KIF6: variants seen among roughly 807,000 people sequenced by gnomAD.
The protein encoded by KIF6 is kinesin-like protein KIF6.
In KIF6, 106 loss-of-function variants were observed where a neutral mutation model predicts 112.7. The observed-to-expected ratio is 0.94, with a 90% CI of 0.80 to 1.11. The LOEUF (loss-of-function observed/expected upper bound fraction) is 1.11. Among genes scored for constraint, KIF6 ranks in the 50% least tolerant of loss-of-function variants. The pLI, the probability that KIF6 is intolerant of heterozygous loss-of-function variation, is 0.00. For synonymous variants in KIF6, 339 were observed against 339.9 expected (o/e 1.00, Z 0.03); for missense variants, 929 against 964.0 (o/e 0.96, Z 0.48).
chr6:39,443,114 A>AAATAATAAT lies in KIF6; in HGVS notation c.1646-11962_1646-11954dup, dbSNP rs370011414. Among the ~76,000 whole-genome samples, 762 of 131,550 alleles carry AAATAATAAT rather than the reference A, an allele frequency of 5.8e-3. 5 individuals carry two copies. The highest frequency in any genetic ancestry group is 0.012 in the East Asian group (55 of 4,410). 86.3% of individuals were successfully genotyped at this position (131,550 alleles called of 152,430 possible). On this transcript the variant is annotated intron_variant, in intron 13 of 22. Coordinates refer to ENST00000287152, the MANE Select transcript of KIF6 (RefSeq NM_145027.6). ...GGGCGACAGAGTGAGACTGCATCTC[A>AAATAATAAT]AATAATAATAATAATAATAATAATA...
At chr6:39,616,556 A>G (rs990887536) in intron 5 of KIF6, among the ~76,000 whole-genome samples, 1 of 152,192 alleles carries the variant, frequency 6.6e-6, no homozygotes, top group Non-Finnish European at 1.5e-5. Context: ...TCTTTGAAAC[A>G]CAATCTTCCC....
chr6:39,689,732 G>C (rs1011667724), intron 3 of KIF6, among the ~76,000 whole-genome samples: 7 of 152,000 alleles, frequency 4.6e-5, no homozygotes, highest in Non-Finnish European at 8.8e-5. Flanking sequence ...AGCCTCCCAA[G>C]TAACTGGACC....
chr6:39,480,145 G>C (rs934783230), intron 13 of KIF6, among the ~76,000 whole-genome samples: 7 of 152,132 alleles, frequency 4.6e-5, no homozygotes, highest in African/African-American at 1.7e-4. Context: ...CAGAGGGAGT[G>C]CTTTCAACTT....
At chr6:39,645,488 G>C (rs1448401105) in intron 3 of KIF6, among the ~76,000 whole-genome samples, 1 of 152,182 alleles carries the variant, frequency 6.6e-6, no homozygotes, top group Non-Finnish European at 1.5e-5. Context: ...ATACAGCCTT[G>C]CATTCCAGGG....
Position 39,343,807 on chromosome 6 carries a change from T to C in KIF6, c.2330A>G (p.Lys777Arg). The C allele has an allele frequency of 6.3e-7, 1 of 1,597,978 alleles. No homozygotes were observed. The highest frequency in any genetic ancestry group is 8.5e-7 in the Non-Finnish European group (1 of 1,172,100). Reference sequence around the variant, plus strand: ...GAGAGGGATGGACGACACTGGCCTCTTGGGGATGCTGGAGGCAACCACGTG... The same window carrying C: ...GAGAGGGATGGACGACACTGGCCTCCTGGGGATGCTGGAGGCAACCACGTG... ...TSTPLEDSIP[K>R]RPVSSIPLTG... The change falls in exon 22 of 23, where the codon AAG becomes AGG. Residue 777 changes from lysine (K) to arginine (R), a missense_variant. Around this residue, in one of 2 missense-constraint regions of KIF6, gnomAD observed 241 missense variants for 301.4 expected, o/e 0.80. Coordinates refer to ENST00000287152, the MANE Select transcript of KIF6 (RefSeq NM_145027.6). This position sits in a 1 kb window ranked among gnomAD's most constrained non-coding sequence, Gnocchi z 4.1.
intron 3 of KIF6, among the ~76,000 whole-genome samples, chr6:39,688,882 A>G (rs1466214930): frequency 6.6e-6 from 1 of 152,252 alleles, no homozygotes; most frequent in East Asian, 1.9e-4. Context: ...TCTTAGCTCA[A>G]CACTTAGAAA....
At chr6:39,442,065 C>T (rs76868598) in intron 13 of KIF6, among the ~76,000 whole-genome samples, 10,533 of 152,220 alleles carry the variant, frequency 0.069, 1,191 homozygotes, top group African/African-American at 0.23. Flanking sequence ...TTCCTGACTC[C>T]TGATGCCAGA....
chr6:39,362,548 G>A (rs1315616143), intron 16 of KIF6, 30 bp from the exon 17 acceptor site: 13 of 1,469,330 alleles, frequency 8.8e-6, no homozygotes, highest in Non-Finnish European at 1.1e-5. Flanking sequence ...ATGGGATGGT[G>A]AGAAAGAAGG....
Position 39,613,319 on chromosome 6 carries a change from C to T in KIF6, c.510-1G>A. 2 of 1,573,092 alleles carry T rather than the reference C, an allele frequency of 1.3e-6. No homozygotes were observed. The highest frequency in any genetic ancestry group is 1.2e-5 in the South Asian group (1 of 83,784). ...AGGATCCTCCAGTATTGTCACTTTC[C>T]TAAGCAAATGGGAAGCAAGAAAACA... On this transcript the variant is annotated splice_acceptor_variant, in intron 5 of 22. Transcript: ENST00000287152. LOFTEE classifies it high-confidence loss of function.
intron 6 of KIF6, among the ~76,000 whole-genome samples, chr6:39,608,929 T>C (rs1280362586): frequency 6.6e-6 from 1 of 152,292 alleles, no homozygotes; most frequent in East Asian, 1.9e-4. Flanking sequence ...AAGACGAAAG[T>C]CTTGTCTTTA....
chr6:39,353,523 T>C (rs1311807517), intron 19 of KIF6, among the ~76,000 whole-genome samples: 2 of 152,284 alleles, frequency 1.3e-5, no homozygotes, highest in African/African-American at 4.8e-5. Context: ...AGTCTGTAGC[T>C]TGTCTTTTAA....
At position 39,608,074 on chromosome 6, in the gene KIF6, T is replaced by C. The variant is rs192243094; in HGVS notation, c.639+5115A>G. ...AGAACAGCTGTTCCTATAACTCACA[T>C]AAACCTATTAACCCCAACTCACACC... On this transcript the variant is annotated intron_variant, in intron 6 of 22. Coordinates refer to ENST00000287152, the MANE Select transcript of KIF6 (RefSeq NM_145027.6). 4.0e-4 allele frequency among the ~76,000 whole-genome samples: 61 copies of C among 152,242 alleles called. No individual in the cohort carries two copies. The Middle Eastern group carries it at 0.014, about 34-fold the overall frequency.
At chr6:39,555,217 C>T (rs1002984043) in intron 10 of KIF6, among the ~76,000 whole-genome samples, 2 of 152,168 alleles carry the variant, frequency 1.3e-5, no homozygotes, top group African/African-American at 4.8e-5. Flanking sequence ...TCATGTCCTC[C>T]TGGAGCCCTC....
chr6:39,406,702 T>G (rs1769110633), intron 15 of KIF6, among the ~76,000 whole-genome samples: 1 of 152,178 alleles, frequency 6.6e-6, no homozygotes, highest in African/African-American at 2.4e-5. Flanking sequence ...ATCTTGGGAC[T>G]TTCTTTTTGA....
chr6:39,671,996 G>T (rs1341231363), intron 3 of KIF6, among the ~76,000 whole-genome samples: 1 of 152,142 alleles, frequency 6.6e-6, no homozygotes, highest in Non-Finnish European at 1.5e-5. Context: ...CCTTATCCAG[G>T]GTTGGTTCCC....
At chr6:39,422,019 A>T (rs1296951929) in intron 14 of KIF6, among the ~76,000 whole-genome samples, 1 of 152,112 alleles carries the variant, frequency 6.6e-6, no homozygotes, top group African/African-American at 2.4e-5. Context: ...GATTCATAGG[A>T]TCTGACAGTC....
chr6:39,582,606 G>A (rs1036061621), intron 9 of KIF6, among the ~76,000 whole-genome samples: 1 of 151,912 alleles, frequency 6.6e-6, no homozygotes, highest in Non-Finnish European at 1.5e-5. Flanking sequence ...GTAGAGATGG[G>A]GTTTCTCCAT....
chr6:39,711,137 G>A (rs1287840184), intron 3 of KIF6, among the ~76,000 whole-genome samples: 1 of 149,092 alleles, frequency 6.7e-6, no homozygotes, highest in Non-Finnish European at 1.5e-5. Flanking sequence ...TCCATGTGAT[G>A]ACCCTTGAAT....
At chr6:39,568,010 G>A (rs1009845057) in intron 10 of KIF6, among the ~76,000 whole-genome samples, 2 of 152,196 alleles carry the variant, frequency 1.3e-5, no homozygotes, top group African/African-American at 2.4e-5. Flanking sequence ...GCCAGAGGGG[G>A]CCTGAGCGCC....
Sources: gnomAD v4.1 joint callset for allele counts (sites outside exome capture counted in the v4.1 genomes callset) on GRCh38, gnomAD v4.1.1 for gene constraint, gnomAD v4.1.1 regional missense constraint, Gnocchi (gnomAD v3.1) non-coding constraint, MANE v1.5 for transcripts, NCBI Gene and HGNC (gene_info 2026-07-23, HGNC 2026-07-21) for gene names.